Variants in KCNK1 observed in about 807,000 individuals in gnomAD.
KCNK1 encodes the protein potassium two pore domain channel subfamily K member 1, also known as potassium channel subfamily K member 1.
In KCNK1, 10 loss-of-function variants were observed where a neutral mutation model predicts 22.2. The observed-to-expected ratio is 0.45, with a 90% CI of 0.28 to 0.76. The LOEUF is 0.76. Among genes scored for constraint, KCNK1 ranks in the 30% least tolerant of loss-of-function variants. KCNK1 has a pLI of 0.14. For synonymous variants in KCNK1, 200 were observed against 186.4 expected (o/e 1.07, Z -0.60); for missense variants, 378 against 421.0 (o/e 0.90, Z 0.89).
chr1:233,652,759 T>C (rs1036908256), intron 1 of KCNK1, among the ~76,000 whole-genome samples: 45 of 152,232 alleles, frequency 3.0e-4, no homozygotes, highest in African/African-American at 1.0e-3. Context: ...ACTGGATGCT[T>C]CCTGGTTTGG....
At chr1:233,622,051 C>T (rs1306826255) in intron 1 of KCNK1, among the ~76,000 whole-genome samples, 2 of 152,198 alleles carry the variant, frequency 1.3e-5, no homozygotes, top group Non-Finnish European at 2.9e-5. Flanking sequence ...ACTGTAAGTC[C>T]TATCAAGAAC....
intron 1 of KCNK1, among the ~76,000 whole-genome samples, chr1:233,622,088 A>G (rs1657597968): frequency 6.6e-6 from 1 of 152,150 alleles, no homozygotes; most frequent in South Asian, 2.1e-4. Flanking sequence ...GCAGTAACCT[A>G]TTGGGAACTC....
rs775442826 is a variant in KCNK1 at position 233,671,650 on chromosome 1, C to T, written c.*120C>T. ...ATTATGTCACTTTAAGAAATAGCTA[C>T]TGTTTGCAATGTCTTATTAAAAAAC... On this transcript the variant is annotated 3_prime_UTR_variant, in exon 3 of 3. Transcript: ENST00000366621. 2.1e-5 allele frequency: 25 copies of T among 1,170,748 alleles called. No individual in the cohort carries two copies. Among genetic ancestry groups the T allele is most frequent in the Non-Finnish European group, 3.0e-5 (25 of 829,358 alleles). The allele number at this position is 1,170,748 out of a possible 1,614,324, so 72.5% of individuals were successfully genotyped here.
At chr1:233,620,825 T>G (rs1571888150) in intron 1 of KCNK1, among the ~76,000 whole-genome samples, 1 of 152,220 alleles carries the variant, frequency 6.6e-6, no homozygotes, top group African/African-American at 2.4e-5. Context: ...AAAAGATAAA[T>G]AGTTAAAAAA....
intron 1 of KCNK1, among the ~76,000 whole-genome samples, chr1:233,643,382 C>CT (rs1352264348): frequency 6.6e-6 from 1 of 152,190 alleles, no homozygotes; most frequent in Non-Finnish European, 1.5e-5. Context: ...TCACTACACT[C>CT]TAACTGGAAT....
intron 2 of KCNK1, among the ~76,000 whole-genome samples, chr1:233,669,958 T>G (rs701236): frequency 0.67 from 101,411 of 152,034 alleles, 33,886 homozygotes; most frequent in Middle Eastern, 0.7. Flanking sequence ...TTGTATTCTG[T>G]GGTTAATTAG....
intron 1 of KCNK1, among the ~76,000 whole-genome samples, chr1:233,641,129 A>C (rs1657992418): frequency 6.6e-6 from 1 of 152,216 alleles, no homozygotes; most frequent in Non-Finnish European, 1.5e-5. Flanking sequence ...TGGAAGCACA[A>C]ACAAGCCGGA....
intron 1 of KCNK1, among the ~76,000 whole-genome samples, chr1:233,627,609 G>A (rs559309199): frequency 5.5e-5 from 8 of 145,668 alleles, no homozygotes; most frequent in African/African-American, 1.8e-4. Flanking sequence ...GATGCACCTC[G>A]CAGTGGGAGG....
chr1:233,621,800 T>C (rs1657591028), intron 1 of KCNK1, among the ~76,000 whole-genome samples: 1 of 152,208 alleles, frequency 6.6e-6, no homozygotes, highest in Admixed American at 6.5e-5. Context: ...CTGCTACTAT[T>C]ATCAATAACG....
At chr1:233,652,102 A>C (rs1402908976) in intron 1 of KCNK1, among the ~76,000 whole-genome samples, 2 of 152,172 alleles carry the variant, frequency 1.3e-5, no homozygotes, top group Non-Finnish European at 2.9e-5. Flanking sequence ...TCAGGCTCAG[A>C]TCCAGGAAGG....
At chr1:233,647,208 C>A (rs1366807060) in intron 1 of KCNK1, among the ~76,000 whole-genome samples, 1 of 152,120 alleles carries the variant, frequency 6.6e-6, no homozygotes, top group African/African-American at 2.4e-5. Flanking sequence ...GACTTTGTTC[C>A]AGATGAAATC....
At chr1:233,668,614 T>TA (rs1252923118) in intron 2 of KCNK1, among the ~76,000 whole-genome samples, 1 of 152,156 alleles carries the variant, frequency 6.6e-6, no homozygotes, top group African/African-American at 2.4e-5. Context: ...TAGAGAATTT[T>TA]TTTTTTTTGA....
In KCNK1 at chr1:233,632,062, G is replaced by A. The variant is rs115405980; in HGVS notation, c.355+17536G>A. Among the ~76,000 whole-genome samples, 809 of 152,274 alleles carry A rather than the reference G, an allele frequency of 5.3e-3. 4 individuals carry two copies. Among genetic ancestry groups the A allele is most frequent in the African/African-American group, 0.019 (773 of 41,550 alleles). ...CCATCCTGTTCCCTCTTCCACGTGC[G>A]TGCTGCTGTGCTTACTGGAACAGGA... is the stretch of plus-strand genomic sequence containing the variant. On this transcript the variant is annotated intron_variant, in intron 1 of 2. Coordinates refer to ENST00000366621, the MANE Select transcript of KCNK1 (RefSeq NM_002245.4).
At chr1:233,632,832 A>C (rs776514736) in intron 1 of KCNK1, among the ~76,000 whole-genome samples, 1 of 151,838 alleles carries the variant, frequency 6.6e-6, no homozygotes, top group African/African-American at 2.4e-5. Flanking sequence ...GTTCTCCCTC[A>C]TCAGGTTCAT....
intron 1 of KCNK1, among the ~76,000 whole-genome samples, chr1:233,640,302 C>T (rs7544442): frequency 0.11 from 16,953 of 151,930 alleles, 2,460 homozygotes; most frequent in African/African-American, 0.33. Context: ...ACTTAACTGC[C>T]GAGACTGACT....
intron 1 of KCNK1, 87 bp from the exon 2 acceptor site, chr1:233,666,508 G>A: frequency 7.7e-7 from 1 of 1,293,292 alleles, no homozygotes; most frequent in Middle Eastern, 2.2e-4. Flanking sequence ...AGGGGAATAA[G>A]GGCAGATGAT....
At position 233,614,249 on chromosome 1, in the gene KCNK1, G is replaced by A. The variant is rs778770847; in HGVS notation, c.78G>A (p.Leu26=). Residue 26 remains leucine, a synonymous_variant, in exon 1 of 3, where the codon CTG becomes CTA. Transcript: ENST00000366621. ...GCTCGGCCTGGTGCTTCGGCTTCCT[G>A]GTGCTGGGCTACTTGCTCTACCTGG... is the stretch of plus-strand genomic sequence containing the variant. ...RHRSAWCFGF[L]VLGYLLYLVF... The A allele has an allele frequency of 1.9e-6, 3 of 1,613,108 alleles. No homozygotes were observed. The Admixed American group carries it at 5.0e-5, about 27-fold the overall frequency.
At chr1:233,626,038 A>G (rs547403268) in intron 1 of KCNK1, among the ~76,000 whole-genome samples, 9 of 152,130 alleles carry the variant, frequency 5.9e-5, no homozygotes, top group African/African-American at 1.9e-4. Flanking sequence ...GACTGTTCCA[A>G]CGCGTTCACT....
chr1:233,630,377 C>T (rs1285701893), intron 1 of KCNK1: 1 of 152,214 alleles, frequency 6.6e-6, no homozygotes, highest in Non-Finnish European at 1.5e-5. Context: ...TTAAAAGAAA[C>T]AGGCATTCTT....
Sources: gnomAD v4.1 joint callset for allele counts (sites outside exome capture counted in the v4.1 genomes callset) on GRCh38, gnomAD v4.1.1 for gene constraint, MANE v1.5 for transcripts, NCBI Gene and HGNC (gene_info 2026-07-23, HGNC 2026-07-21) for gene names.